The following MYO16 variants were observed in gnomAD, a reference collection of about 807,000 sequenced individuals.
MYO16 encodes the protein myosin XVI, also known as unconventional myosin-XVI.
Under a neutral mutation model 205.3 loss-of-function variants are expected in MYO16, and 94 were observed. The observed-to-expected ratio is 0.46, with a 90% CI of 0.39 to 0.54. The LOEUF is 0.54. MYO16 is among the 20% of genes least tolerant of loss of function. The probability of loss-of-function intolerance (pLI) is 0.00; values close to 1 mark genes in which losing one functional copy is unlikely to be tolerated. For missense variants in MYO16, 2,315 were observed against 2,387.5 expected (o/e 0.97, Z 0.63); for synonymous variants, 988 against 954.0 (o/e 1.04, Z -0.66).
chr13:108,794,015 A>G (rs754822446), intron 6 of MYO16, among the ~76,000 whole-genome samples: 4 of 152,220 alleles, frequency 2.6e-5, no homozygotes, highest in Non-Finnish European at 4.4e-5. Flanking sequence ...GAACAAAACC[A>G]TGTCCTTCAT....
intron 14 of MYO16, among the ~76,000 whole-genome samples, chr13:108,889,352 G>T (rs1288959540): frequency 6.6e-6 from 1 of 152,208 alleles, no homozygotes; most frequent in African/African-American, 2.4e-5. Flanking sequence ...TAGCAGCTAA[G>T]ATAAAGCTAA....
At chr13:108,764,957 A>G (rs1347803822) in intron 4 of MYO16, among the ~76,000 whole-genome samples, 1 of 152,236 alleles carries the variant, frequency 6.6e-6, no homozygotes, top group African/African-American at 2.4e-5. Context: ...TATTTTCTCA[A>G]TAAATATAAC....
intron 11 of MYO16, among the ~76,000 whole-genome samples, chr13:108,865,633 C>T (rs112473388): frequency 0.013 from 2,043 of 151,968 alleles, 51 homozygotes; most frequent in African/African-American, 0.046. Context: ...ACCTTTACAA[C>T]TGATGTTGTT....
chr13:108,615,183 A>C (rs994277896), intron 1 of MYO16, among the ~76,000 whole-genome samples: 3 of 152,122 alleles, frequency 2.0e-5, no homozygotes, highest in African/African-American at 7.2e-5. Flanking sequence ...ACAATTGATC[A>C]ATAAGGAGAG....
chr13:109,066,302 T>C (rs1477890148), intron 27 of MYO16, among the ~76,000 whole-genome samples: 1 of 152,178 alleles, frequency 6.6e-6, no homozygotes, highest in Non-Finnish European at 1.5e-5. Flanking sequence ...AAGTGTGAAT[T>C]AATAAGGTCA....
At chr13:108,756,088 G>T (rs898412996) in intron 4 of MYO16, among the ~76,000 whole-genome samples, 1 of 151,978 alleles carries the variant, frequency 6.6e-6, no homozygotes, top group Non-Finnish European at 1.5e-5. Context: ...TCAGTATAAG[G>T]TGTTTACACA....
chr13:108,810,105 G>A (rs1887241107), intron 7 of MYO16, among the ~76,000 whole-genome samples: 1 of 152,220 alleles, frequency 6.6e-6, no homozygotes, highest in East Asian at 1.9e-4. Flanking sequence ...TTTACAATGT[G>A]CAGATGAGGC....
At chr13:108,808,784 T>C (rs1367407287) in intron 7 of MYO16, among the ~76,000 whole-genome samples, 2 of 152,196 alleles carry the variant, frequency 1.3e-5, no homozygotes, top group Non-Finnish European at 2.9e-5. Context: ...TATAGTTAGA[T>C]TTAACAATTA....
chr13:108,904,519 A>T (rs1393852829), intron 15 of MYO16, among the ~76,000 whole-genome samples: 1 of 152,148 alleles, frequency 6.6e-6, no homozygotes, highest in East Asian at 1.9e-4. Context: ...ACATTGTGTG[A>T]CATACAAGTC....
intron 9 of MYO16, among the ~76,000 whole-genome samples, chr13:108,827,617 C>CTGTTGAAAT (rs1328886832): frequency 4.6e-5 from 7 of 152,056 alleles, no homozygotes; most frequent in Non-Finnish European, 1.0e-4. Flanking sequence ...TTTCAAAGGC[C>CTGTTGAAAT]CTTCCACCTG....
intron 16 of MYO16, among the ~76,000 whole-genome samples, chr13:108,912,116 ACTC>A (rs976224808): frequency 7.9e-5 from 12 of 151,932 alleles, no homozygotes; most frequent in African/African-American, 2.7e-4. Context: ...GTGAGGCTGA[ACTC>A]CTAGAACTGC....
intron 27 of MYO16, among the ~76,000 whole-genome samples, chr13:109,060,466 A>T (rs1887555891): frequency 1.3e-5 from 2 of 151,646 alleles, no homozygotes; most frequent in South Asian, 4.2e-4. Context: ...GGGGAGCATC[A>T]CACACTGGGG....
In MYO16 at chr13:108,714,612, G is replaced by GTGTGTGTGTGTGTA. The variant is rs1419918356; in HGVS notation, c.363+1882_363+1883insGTGTGTGTGTGTAT. On this transcript the variant is annotated intron_variant, in intron 3 of 34. Transcript: ENST00000457511. ...TGTGTCTGTGTGTGTGTGTGTGTGTGTATATATATAGAGAGAGAGAGATTA... is the reference window on the plus strand; with the variant it reads ...TGTGTCTGTGTGTGTGTGTGTGTGTGTGTGTGTGTGTGTATATATATATAGAGAGAGAGAGATTA... Among the ~76,000 whole-genome samples, 6 of 140,824 alleles carry GTGTGTGTGTGTGTA rather than the reference G, an allele frequency of 4.3e-5. No individual in the cohort carries two copies. In the East Asian group the frequency reaches 1.1e-3, roughly 26 times the overall value. 92.4% of individuals were successfully genotyped at this position (140,824 alleles called of 152,430 possible). A position where few individuals can be genotyped will look rare whatever the true frequency, so the allele number is the denominator to read the frequency against.
rs1250803870 is a variant in MYO16 at position 109,087,541 on chromosome 13, G to A, written c.3336-13244G>A. ...GGTGCCTGTAATCCCAGCTACTTGG[G>A]AAGCTGAGGCAGGAGAATCACCTGA... On this transcript the variant is annotated intron_variant, in intron 27 of 34. Transcript: ENST00000457511. Among the ~76,000 whole-genome samples the A allele has an allele frequency of 2.0e-5, 3 of 152,172 alleles. No homozygotes were observed. The East Asian group carries it at 5.8e-4, about 29-fold the overall frequency.
chr13:109,022,687 C>T (rs1354577399), intron 23 of MYO16, among the ~76,000 whole-genome samples: 6 of 110,384 alleles, frequency 5.4e-5, no homozygotes, highest in East Asian at 5.0e-4. Context: ...CACATATAAA[C>T]ATGTATATAT....
intron 1 of MYO16, among the ~76,000 whole-genome samples, chr13:108,603,300 T>G (rs985363745): frequency 1.1e-4 from 17 of 152,180 alleles, no homozygotes; most frequent in Admixed American, 2.6e-4. Context: ...GGCATTAAAT[T>G]GACTACTTTT....
At position 108,874,696 on chromosome 13, in the gene MYO16, C is replaced by CATCATCATT. The variant is rs1555307948; in HGVS notation, c.1426-8361_1426-8360insCATCATTAT. ...CAGAGGCAGACAGTTTCATCATCAT[C>CATCATCATT]ATTATTATTATTATTATTATTATTA... On this transcript the variant is annotated intron_variant, in intron 12 of 34. Coordinates refer to ENST00000457511, the MANE Select transcript of MYO16 (RefSeq NM_001198950.3). Among the ~76,000 whole-genome samples the CATCATCATT allele has an allele frequency of 4.8e-3, 509 of 106,836 alleles. 2 individuals are homozygous for CATCATCATT. The highest frequency in any genetic ancestry group is 6.3e-3 in the Non-Finnish European group (279 of 44,272). 70.1% of individuals were successfully genotyped at this position (106,836 alleles called of 152,430 possible).
At chr13:108,981,776 C>T (rs569896237) in intron 20 of MYO16, among the ~76,000 whole-genome samples, 174 of 152,354 alleles carry the variant, frequency 1.1e-3, no homozygotes, top group African/African-American at 4.0e-3. Flanking sequence ...GCTTGGTTAT[C>T]TAGAAACATT....
chr13:108,590,267 G>C, the MYO16 span, among the ~76,000 whole-genome samples: 1 of 152,170 alleles, frequency 6.6e-6, no homozygotes, highest in African/African-American at 2.4e-5. Context: ...CTTATGCAGT[G>C]GTTCTCAAAC....
Sources: gnomAD v4.1 joint callset for allele counts (sites outside exome capture counted in the v4.1 genomes callset) on GRCh38, gnomAD v4.1.1 for gene constraint, MANE v1.5 for transcripts, NCBI Gene and HGNC (gene_info 2026-07-23, HGNC 2026-07-21) for gene names.